KIF13A: variants seen among roughly 807,000 people sequenced by gnomAD.
KIF13A encodes the protein kinesin-like protein KIF13A.
KIF13A carries 79 observed loss-of-function variants against 212.2 expected under a neutral mutation model. That is an observed-to-expected ratio of 0.37 (90% CI 0.31 to 0.45). KIF13A has a LOEUF of 0.45. KIF13A is among the 20% of genes least tolerant of loss of function. The pLI, the probability that KIF13A is intolerant of heterozygous loss-of-function variation, is 1.00. For synonymous variants in KIF13A, 789 were observed against 808.6 expected (o/e 0.98, Z 0.41); for missense variants, 1,901 against 2,209.0 (o/e 0.86, Z 2.79).
At chr6:17,975,951 G>A (rs1027409105) in intron 2 of KIF13A, among the ~76,000 whole-genome samples, 2 of 143,784 alleles carry the variant, frequency 1.4e-5, no homozygotes, top group African/African-American at 5.5e-5. Flanking sequence ...CCCCACCAGA[G>A]TAGCTAGATA....
At position 17,783,626 on chromosome 6, in the gene KIF13A, GA is replaced by G. The variant is rs756203116; in HGVS notation, c.3544+19del. 47 of 1,491,854 alleles carry G rather than the reference GA, an allele frequency of 3.2e-5. No individual in the cohort carries two copies. In the South Asian group the frequency reaches 5.6e-4, roughly 18 times the overall value. The allele number at this position is 1,491,854 out of a possible 1,614,324, so 92.4% of individuals were successfully genotyped here. A position where few individuals can be genotyped will look rare whatever the true frequency, so the allele number is the denominator to read the frequency against. On this transcript the variant is annotated intron_variant, in intron 29 of 38. Transcript: ENST00000259711. This position sits in a 1 kb window ranked among gnomAD's most constrained non-coding sequence, Gnocchi z 4.3. ...CTTAGTTAAATACAATAATCCCTGT[GA>G]CTTTAAGTGTCTACTTACCATTCAA...
At chr6:17,858,120 C>T (rs796436608) in intron 4 of KIF13A, among the ~76,000 whole-genome samples, 21 of 134,972 alleles carry the variant, frequency 1.6e-4, no homozygotes, top group African/African-American at 3.2e-4. Context: ...TGTGCATGCA[C>T]GCATGTGTGT....
At chr6:17,846,484 G>A (rs905381009) in intron 9 of KIF13A, among the ~76,000 whole-genome samples, 5 of 151,648 alleles carry the variant, frequency 3.3e-5, no homozygotes, top group Admixed American at 6.6e-5. Context: ...TAAATAAGAC[G>A]AGGCCAGAAG....
chr6:17,987,509 G>A lies in KIF13A; in HGVS notation c.-46C>T. The A allele has an allele frequency of 9.3e-7, 1 of 1,072,518 alleles. No individual in the cohort carries two copies. Among genetic ancestry groups the A allele is most frequent in the Non-Finnish European group, 1.1e-6 (1 of 871,176 alleles). The allele number at this position is 1,072,518 out of a possible 1,614,324, so 66.4% of individuals were successfully genotyped here. A position where few individuals can be genotyped will look rare whatever the true frequency, so the allele number is the denominator to read the frequency against. The stretch of plus-strand genomic sequence containing the variant: ...CGCTCGCCGCGCCCGCTCGGCCTTA[G>A]GCGGCCCCTCACGCGCGGCGCCGCC... On this transcript the variant is annotated 5_prime_UTR_variant, in exon 1 of 39. Coordinates refer to ENST00000259711, the MANE Select transcript of KIF13A (RefSeq NM_022113.6). This position sits in a 1 kb window ranked among gnomAD's most constrained non-coding sequence, Gnocchi z 7.7.
chr6:17,786,771 A>G lies in KIF13A; in HGVS notation c.3361+1005T>C, dbSNP rs1420697019. Reference sequence around the variant, plus strand: ...GGTACAGTCTAAGTGAGTTTTCATTAGCAGCCTGAGCACACACACAAGGCG... The same window carrying G: ...GGTACAGTCTAAGTGAGTTTTCATTGGCAGCCTGAGCACACACACAAGGCG... On this transcript the variant is annotated intron_variant, in intron 27 of 38. Transcript: ENST00000259711. This position sits in a 1 kb window ranked among gnomAD's most constrained non-coding sequence, Gnocchi z 5.4. Among the ~76,000 whole-genome samples, 1 of 152,138 alleles carries G rather than the reference A, an allele frequency of 6.6e-6. No individual in the cohort carries two copies. Among genetic ancestry groups the G allele is most frequent in the Non-Finnish European group, 1.5e-5 (1 of 68,030 alleles).
chr6:17,779,834 G>T, intron 31 of KIF13A, 150 bp from the exon 32 acceptor site: 1 of 435,148 alleles, frequency 2.3e-6, no homozygotes. Context: ...CCGCCCCCTG[G>T]GGTTCACACC....
chr6:17,874,999 G>GTACACACACACACACACACACA lies in KIF13A; in HGVS notation c.160-1563_160-1562insTGTGTGTGTGTGTGTGTGTGTA, dbSNP rs1554188631. Reference sequence around the variant, plus strand: ...CCACCACACACACACACACGCACACGCACGCACACACACACACACACACAC... The same window carrying GTACACACACACACACACACACA: ...CCACCACACACACACACACGCACACGTACACACACACACACACACACACACGCACACACACACACACACACAC... On this transcript the variant is annotated intron_variant, in intron 3 of 38. Coordinates refer to ENST00000259711, the MANE Select transcript of KIF13A (RefSeq NM_022113.6). Among the ~76,000 whole-genome samples the GTACACACACACACACACACACA allele has an allele frequency of 9.8e-3, 1,179 of 120,310 alleles. 22 individuals are homozygous for GTACACACACACACACACACACA. Among genetic ancestry groups the GTACACACACACACACACACACA allele is most frequent in the African/African-American group, 0.034 (1,117 of 32,732 alleles). The allele number at this position is 120,310 out of a possible 152,430, so 78.9% of individuals were successfully genotyped here.
At chr6:17,884,054 C>T (rs929417783) in intron 3 of KIF13A, among the ~76,000 whole-genome samples, 1 of 152,164 alleles carries the variant, frequency 6.6e-6, no homozygotes, top group Non-Finnish European at 1.5e-5. Flanking sequence ...CCTCACCTTG[C>T]CTCCCTGCCC....
chr6:17,760,749 GGTC>G (rs1487074095), downstream of KIF13A: 2 of 1,156,600 alleles, frequency 1.7e-6, no homozygotes, highest in African/African-American at 3.0e-5. Flanking sequence ...TCTGGTCTGA[GGTC>G]CAGCCAGGCG....
rs60267349 is a variant in KIF13A at position 17,886,643 on chromosome 6, T to G, written c.159+11525A>C. 0.011 allele frequency among the ~76,000 whole-genome samples: 1,726 copies of G among 152,290 alleles called. 39 individuals are homozygous for G. Among genetic ancestry groups the G allele is most frequent in the African/African-American group, 0.039 (1,638 of 41,544 alleles). ...GAGTTCCAGTGAGAACATTTGGTTC[T>G]GAACAAAGTCGGGCAGAAGGAAAGG... On this transcript the variant is annotated intron_variant, in intron 3 of 38. Coordinates refer to ENST00000259711, the MANE Select transcript of KIF13A (RefSeq NM_022113.6). This position sits in a 1 kb window ranked among gnomAD's most constrained non-coding sequence, Gnocchi z 5.6.
At chr6:17,864,656 AATTTTTTATTTTT>A (rs1313146115) in intron 4 of KIF13A, among the ~76,000 whole-genome samples, 1 of 152,066 alleles carries the variant, frequency 6.6e-6, no homozygotes, top group African/African-American at 2.4e-5. Flanking sequence ...ACTTATGGCT[AATTTTTTATTTTT>A]ATTTTTTAGT....
Position 17,777,423 on chromosome 6 carries a change from G to T in KIF13A, c.4093-69C>A, listed in dbSNP as rs1886247. On this transcript the variant is annotated intron_variant, in intron 33 of 38. Coordinates refer to ENST00000259711, the MANE Select transcript of KIF13A (RefSeq NM_022113.6). The surrounding 1 kb of genome is among the most constrained non-coding windows in gnomAD (Gnocchi z 4.4). ...CCCAGAGACAGAGTCTCACTCTGTT[G>T]CCCAGGCTGGAGTGTAGTGATGCGA... 2 of 1,280,092 alleles carry T rather than the reference G, an allele frequency of 1.6e-6. No individual in the cohort carries two copies. The highest frequency in any genetic ancestry group is 2.2e-6 in the Non-Finnish European group (2 of 902,056). 79.3% of individuals were successfully genotyped at this position (1,280,092 alleles called of 1,614,324 possible).
At chr6:17,784,781 C>T (rs966794064) in intron 28 of KIF13A, among the ~76,000 whole-genome samples, 1 of 152,180 alleles carries the variant, frequency 6.6e-6, no homozygotes, top group African/African-American at 2.4e-5. Flanking sequence ...AGGATTCCAG[C>T]ACAACAGCAG....
chr6:17,814,917 A>T (rs938326294), intron 17 of KIF13A, among the ~76,000 whole-genome samples: 4 of 152,218 alleles, frequency 2.6e-5, no homozygotes, highest in Non-Finnish European at 5.9e-5. Flanking sequence ...AAGACACAAG[A>T]CAAAGAGATA....
At chr6:17,974,989 T>C (rs1780181457) in intron 2 of KIF13A, among the ~76,000 whole-genome samples, 1 of 152,156 alleles carries the variant, frequency 6.6e-6, no homozygotes, top group African/African-American at 2.4e-5. Context: ...TGGTCTAGAC[T>C]AGTTCTCAAA....
intron 3 of KIF13A, among the ~76,000 whole-genome samples, chr6:17,893,674 A>C (rs1056391328): frequency 2.0e-5 from 3 of 152,132 alleles, no homozygotes; most frequent in African/African-American, 7.2e-5. Flanking sequence ...TTAGGCAGAA[A>C]GTATTCAGTC....
rs1287120336 is a variant in KIF13A at position 17,871,698 on chromosome 6, G to A, written c.220+1679C>T. ...GGTAGAATGGGGTTATATAATAAAG[G>A]ACCTCAAATGTAGTCCAAAGAGTAT... On this transcript the variant is annotated intron_variant, in intron 4 of 38. Transcript: ENST00000259711. The surrounding 1 kb of genome is among the most constrained non-coding windows in gnomAD (Gnocchi z 4.4). Among the ~76,000 whole-genome samples the A allele has an allele frequency of 6.6e-6, 1 of 152,100 alleles. No individual in the cohort carries two copies. The highest frequency in any genetic ancestry group is 2.4e-5 in the African/African-American group (1 of 41,408).
intron 2 of KIF13A, among the ~76,000 whole-genome samples, chr6:17,911,320 T>G (rs1271089612): frequency 6.6e-6 from 1 of 152,186 alleles, no homozygotes; most frequent in African/African-American, 2.4e-5. Context: ...GCCCTTCGGG[T>G]GTGCATCAAA....
At chr6:17,910,072 CCTA>C (rs1286618550) in intron 2 of KIF13A, among the ~76,000 whole-genome samples, 2 of 152,206 alleles carry the variant, frequency 1.3e-5, no homozygotes, top group African/African-American at 4.8e-5. Flanking sequence ...TACAGCCATA[CCTA>C]CATGTAAGGT....
Sources: allele counts gnomAD v4.1 joint callset (sites outside exome capture counted in the v4.1 genomes callset), GRCh38; gene constraint gnomAD v4.1.1; non-coding constraint Gnocchi (gnomAD v3.1); transcripts MANE v1.5; gene names NCBI Gene and HGNC (gene_info 2026-07-23, HGNC 2026-07-21).